Variants in CFAP263 observed in about 807,000 individuals in gnomAD.
The protein encoded by CFAP263 is cilia and flagella associated protein 263, also known as cilia- and flagella-associated protein 263.
the CFAP263 span, among the ~76,000 whole-genome samples, chr16:58,258,982 AAAATAAATAAATAAATAAAT>A: frequency 2.1e-4 from 30 of 144,054 alleles, no homozygotes; most frequent in African/African-American, 6.4e-4. Context: ...CGTCTCAGAA[AAAATAAATAAATAAATAAAT>A]AAATAAATAA....
At chr16:58,272,252 G>T in the CFAP263 span, among the ~76,000 whole-genome samples, 10 of 150,322 alleles carry the variant, frequency 6.7e-5, no homozygotes, top group Admixed American at 6.7e-4. Context: ...TCCTGACCTC[G>T]TGATCTGCCC....
chr16:58,261,243 G>A, the CFAP263 span, among the ~76,000 whole-genome samples: 2 of 152,214 alleles, frequency 1.3e-5, no homozygotes, highest in African/African-American at 2.4e-5. Flanking sequence ...GGAAGGGAGA[G>A]CAGAGCTGGG....
At chr16:58,259,406 G>A in the CFAP263 span, among the ~76,000 whole-genome samples, 1 of 152,074 alleles carries the variant, frequency 6.6e-6, no homozygotes, top group Admixed American at 6.5e-5. Context: ...GGGCTGTTAT[G>A]AGAAAAAAGG....
chr16:58,250,470 G>C, the CFAP263 span: 1 of 180,742 alleles, frequency 5.5e-6, no homozygotes, highest in African/African-American at 2.4e-5. Context: ...CTGATGCTAA[G>C]ATTCTATGAT....
At chr16:58,278,106 A>T in the CFAP263 span, among the ~76,000 whole-genome samples, 3 of 152,184 alleles carry the variant, frequency 2.0e-5, no homozygotes, top group South Asian at 2.1e-4. Context: ...TCTTATAATT[A>T]AAAAAGACAT....
the CFAP263 span, among the ~76,000 whole-genome samples, chr16:58,251,078 A>T: frequency 6.6e-5 from 10 of 152,244 alleles, no homozygotes; most frequent in Non-Finnish European, 5.9e-5. Flanking sequence ...TTACTTCTAT[A>T]CATCTACAAA....
At chr16:58,255,914 A>G in the CFAP263 span, among the ~76,000 whole-genome samples, 1 of 152,178 alleles carries the variant, frequency 6.6e-6, no homozygotes, top group South Asian at 2.1e-4. Flanking sequence ...GTGCCCTGTT[A>G]CAGAACAATA....
chr16:58,283,290 A>G, the CFAP263 span: 12 of 152,324 alleles, frequency 7.9e-5, no homozygotes, highest in East Asian at 9.7e-4. Flanking sequence ...AGAGGATTCT[A>G]TGGGGACGGG....
At chr16:58,262,542 T>G in the CFAP263 span, 1 of 1,597,618 alleles carries the variant, frequency 6.3e-7, no homozygotes, top group South Asian at 1.1e-5. Flanking sequence ...GCCTACAAAG[T>G]AAGGCCATCC....
At chr16:58,278,555 T>G in the CFAP263 span, 4 of 1,614,194 alleles carry the variant, frequency 2.5e-6, no homozygotes, top group Non-Finnish European at 3.4e-6. Context: ...CCACAGGTGA[T>G]GACTTACGTC....
At chr16:58,278,548 C>T in the CFAP263 span, 1 of 1,614,158 alleles carries the variant, frequency 6.2e-7, no homozygotes, top group Admixed American at 1.7e-5. Context: ...CCGGGCACCA[C>T]AGGTGATGAC....
chr16:58,277,123 AAAATTTTTTTTT>A, the CFAP263 span, among the ~76,000 whole-genome samples: 1 of 152,112 alleles, frequency 6.6e-6, no homozygotes, highest in Admixed American at 6.5e-5. Flanking sequence ...GGATAATGTT[AAAATTTTTTTTT>A]AAATTTTTTT....
chr16:58,264,839 C>A, the CFAP263 span, among the ~76,000 whole-genome samples: 88,565 of 152,010 alleles, frequency 0.58, 26,846 homozygotes, highest in African/African-American at 0.74. Flanking sequence ...AAGTGTGAAA[C>A]CTTGTTAAAG....
At chr16:58,263,774 T>C in the CFAP263 span, among the ~76,000 whole-genome samples, 1 of 152,206 alleles carries the variant, frequency 6.6e-6, no homozygotes, top group Non-Finnish European at 1.5e-5. Context: ...GGCCAGGAGT[T>C]CAAGACCAGC....
At chr16:58,280,800 T>C in the CFAP263 span, 6 of 1,521,064 alleles carry the variant, frequency 3.9e-6, no homozygotes, top group Middle Eastern at 1.8e-4. Flanking sequence ...GAAAAACTAG[T>C]TTTTGTTGTA....
the CFAP263 span, among the ~76,000 whole-genome samples, chr16:58,269,553 A>G: frequency 1.3e-5 from 2 of 152,160 alleles, no homozygotes; most frequent in East Asian, 3.8e-4. Flanking sequence ...GGATTTGCCT[A>G]TTCTGGACAT....
At chr16:58,268,873 G>A in the CFAP263 span, among the ~76,000 whole-genome samples, 11 of 151,996 alleles carry the variant, frequency 7.2e-5, 1 homozygote, top group Non-Finnish European at 1.0e-4. Context: ...TCTTGTTAAC[G>A]TTTTGAAAAT....
At chr16:58,274,994 T>A in the CFAP263 span, among the ~76,000 whole-genome samples, 1 of 152,202 alleles carries the variant, frequency 6.6e-6, no homozygotes, top group Non-Finnish European at 1.5e-5. Context: ...ATTATACTTA[T>A]CTTAGGTATT....
At chr16:58,282,009 ATT>A in the CFAP263 span, 21 of 131,114 alleles carry the variant, frequency 1.6e-4, no homozygotes, top group Non-Finnish European at 1.4e-4. Flanking sequence ...TGCCCAGCTA[ATT>A]TTTTTTTTTT....
Sources: gnomAD v4.1 joint callset for allele counts (sites outside exome capture counted in the v4.1 genomes callset) on GRCh38, gnomAD v4.1.1 for gene constraint, MANE v1.5 for transcripts, NCBI Gene and HGNC (gene_info 2026-07-23, HGNC 2026-07-21) for gene names.